GAS7: variants seen among roughly 807,000 people sequenced by gnomAD.
The protein encoded by GAS7 is growth arrest-specific protein 7.
GAS7 carries 28 observed loss-of-function variants against 71.1 expected under a neutral mutation model. The observed-to-expected ratio is 0.39, with a 90% CI of 0.29 to 0.54. The LOEUF is 0.54. Among genes scored for constraint, GAS7 ranks in the 20% least tolerant of loss-of-function variants. The probability of loss-of-function intolerance (pLI) is 0.62; values close to 1 mark genes in which losing one functional copy is unlikely to be tolerated. For missense variants in GAS7, 436 were observed against 627.8 expected (o/e 0.69, Z 3.27); for synonymous variants, 258 against 245.8 (o/e 1.05, Z -0.46).
intron 7 of GAS7, 128 bp from the exon 8 acceptor site, chr17:9,940,328 C>A: frequency 8.2e-6 from 6 of 732,032 alleles, no homozygotes; most frequent in Non-Finnish European, 1.5e-5. Context: ...CCACATGGCT[C>A]TTGTCTGTCT....
Position 10,034,114 on chromosome 17 carries a change from T to C in GAS7, c.184-14217A>G. On this transcript the variant is annotated intron_variant, in intron 1 of 13. Transcript: ENST00000432992. This position sits in a 1 kb window ranked among gnomAD's most constrained non-coding sequence, Gnocchi z 4.4. Reference sequence around the variant, plus strand: ...GCTATGGAGATGTGAGACCTACCACTGCTCTGTGCCACCGTGCGAAGAACA... The same window carrying C: ...GCTATGGAGATGTGAGACCTACCACCGCTCTGTGCCACCGTGCGAAGAACA... The C allele has an allele frequency of 1.0e-6, 1 of 985,148 alleles. No individual in the cohort carries two copies. Among genetic ancestry groups the C allele is most frequent in the Non-Finnish European group, 1.2e-6 (1 of 829,722 alleles). 61.0% of individuals were successfully genotyped at this position (985,148 alleles called of 1,614,324 possible).
intron 2 of GAS7, among the ~76,000 whole-genome samples, chr17:9,982,579 C>T (rs1006726778): frequency 2.0e-5 from 3 of 152,032 alleles, no homozygotes; most frequent in African/African-American, 7.2e-5. Flanking sequence ...GAGTTCGAGA[C>T]CGGCCTGGCC....
At chr17:10,048,128 CCT>C (rs2073006472) in intron 1 of GAS7, among the ~76,000 whole-genome samples, 1 of 152,110 alleles carries the variant, frequency 6.6e-6, no homozygotes, top group Non-Finnish European at 1.5e-5. Flanking sequence ...ATGGTGAAAC[CCT>C]GTCTCTACTA....
intron 1 of GAS7, among the ~76,000 whole-genome samples, chr17:10,068,917 G>A (rs546643273): frequency 2.0e-5 from 3 of 152,324 alleles, no homozygotes; most frequent in Admixed American, 6.5e-5. Context: ...TCCTCCAGCA[G>A]TGAGTCCTGG....
intron 1 of GAS7, among the ~76,000 whole-genome samples, chr17:10,087,207 C>T (rs771362020): frequency 3.3e-5 from 5 of 152,328 alleles, no homozygotes; most frequent in South Asian, 2.1e-4. Flanking sequence ...GAGCTCTACA[C>T]GCAAACTCAC....
intron 5 of GAS7, among the ~76,000 whole-genome samples, chr17:9,951,561 A>G (rs1459286436): frequency 6.6e-6 from 1 of 152,182 alleles, no homozygotes; most frequent in Non-Finnish European, 1.5e-5. Context: ...GTTGGAGACC[A>G]GCCTGACCCA....
At position 10,001,882 on chromosome 17, in the gene GAS7, A is replaced by G. The variant is rs571259637; in HGVS notation, c.304+17895T>C. ...CACCAAGACAGCTCTTCTAAGCAAGAGCCTGCACCCCACATTCACCGATGG... is the reference window on the plus strand; with the variant it reads ...CACCAAGACAGCTCTTCTAAGCAAGGGCCTGCACCCCACATTCACCGATGG... On this transcript the variant is annotated intron_variant, in intron 2 of 13. Coordinates refer to ENST00000432992, the MANE Select transcript of GAS7 (RefSeq NM_201433.2). Among the ~76,000 whole-genome samples the G allele has an allele frequency of 7.3e-4, 111 of 152,302 alleles. No individual in the cohort carries two copies. In the Middle Eastern group the frequency reaches 0.01, roughly 14 times the overall value.
At position 10,027,313 on chromosome 17, in the gene GAS7, A is replaced by G. The variant is rs189721131; in HGVS notation, c.184-7416T>C. Reference sequence around the variant, plus strand: ...AACTAGGCTTCAGAAATATTTGAGGAGGCTATTTTACCAAATAAGCAGACA... The same window carrying G: ...AACTAGGCTTCAGAAATATTTGAGGGGGCTATTTTACCAAATAAGCAGACA... On this transcript the variant is annotated intron_variant, in intron 1 of 13. Coordinates refer to ENST00000432992, the MANE Select transcript of GAS7 (RefSeq NM_201433.2). Among the ~76,000 whole-genome samples, 61 of 152,360 alleles carry G rather than the reference A, an allele frequency of 4.0e-4. 1 individual carries two copies. The highest frequency in any genetic ancestry group is 7.8e-4 in the Non-Finnish European group (53 of 68,032).
At chr17:9,939,974 C>T (rs1192097963) in intron 8 of GAS7, 152 bp downstream of exon 8, 1 of 684,080 alleles carries the variant, frequency 1.5e-6, no homozygotes, top group Non-Finnish European at 2.7e-6. Flanking sequence ...TCATGAGCAC[C>T]TACCTGAGCC....
chr17:9,990,293 G>A lies in GAS7; in HGVS notation c.305-8409C>T, dbSNP rs138682559. Among the ~76,000 whole-genome samples the A allele has an allele frequency of 9.5e-4, 145 of 152,178 alleles. 2 individuals are homozygous for A. The Middle Eastern group carries it at 0.024, about 25-fold the overall frequency. On this transcript the variant is annotated intron_variant, in intron 2 of 13. Coordinates refer to ENST00000432992, the MANE Select transcript of GAS7 (RefSeq NM_201433.2). Reference sequence around the variant, plus strand: ...CAAAAAAAAAAGAAAAAAGAAGAAAGCTCGCCCTACGGATGCTGGCAGGAG... The same window carrying A: ...CAAAAAAAAAAGAAAAAAGAAGAAAACTCGCCCTACGGATGCTGGCAGGAG...
intron 1 of GAS7, among the ~76,000 whole-genome samples, chr17:10,076,689 G>A (rs1197555551): frequency 1.3e-5 from 2 of 152,152 alleles, no homozygotes; most frequent in African/African-American, 4.8e-5. Context: ...AAACATGCCA[G>A]ATTGTTATAC....
At chr17:10,060,740 C>T (rs192174252) in intron 1 of GAS7, among the ~76,000 whole-genome samples, 4 of 152,322 alleles carry the variant, frequency 2.6e-5, no homozygotes, top group South Asian at 2.1e-4. Flanking sequence ...GTTGCTCGTG[C>T]GAACACAAAA....
At chr17:9,946,844 A>G (rs2068805489) in intron 6 of GAS7, 50 bp downstream of exon 6, 1 of 1,221,156 alleles carries the variant, frequency 8.2e-7, no homozygotes, top group Non-Finnish European at 1.2e-6. Flanking sequence ...CTGGGTGTCC[A>G]CTCCCGGTCA....
rs755747939 is a variant in GAS7, at chr17:9,926,649, C to T, written c.1006G>A (p.Val336Met). 2 of 1,613,572 alleles carry T rather than the reference C, an allele frequency of 1.2e-6. No individual in the cohort carries two copies. The highest frequency in any genetic ancestry group is 1.3e-5 in the African/African-American group (1 of 75,076). ...CGTCCTGGGCCTCTCACCTTCTCCA[C>T]CGAGGCATAGCGGCTGGCGAGCTGC... The part of the protein sequence containing the change: ...RKQLASRYAS[V>M]EKARKALTER... Residue 336 changes from valine (V) to methionine (M), a missense_variant, in exon 10 of 14, where the codon GTG (valine) becomes ATG (methionine). Val to Met is a conservative substitution (Grantham distance 21). Transcript: ENST00000432992. The surrounding 1 kb of genome is among the most constrained non-coding windows in gnomAD (Gnocchi z 5.0).
intron 5 of GAS7, among the ~76,000 whole-genome samples, chr17:9,955,950 C>T (rs556648155): frequency 1.1e-3 from 172 of 152,322 alleles, no homozygotes; most frequent in African/African-American, 1.6e-3. Context: ...AGGGCTTTTC[C>T]GCACAGGAGC....
intron 2 of GAS7, among the ~76,000 whole-genome samples, chr17:10,009,527 A>T (rs1302585134): frequency 6.6e-6 from 1 of 152,000 alleles, no homozygotes; most frequent in African/African-American, 2.4e-5. Context: ...ACATTTATAG[A>T]TATAGATCTA....
intron 1 of GAS7, among the ~76,000 whole-genome samples, chr17:10,148,884 T>C (rs1212805533): frequency 7.8e-6 from 1 of 128,100 alleles, no homozygotes. Flanking sequence ...CACTCCAACC[T>C]GGGCGACAGA....
At chr17:10,114,487 C>A (rs889181041) in intron 1 of GAS7, 1 of 152,124 alleles carries the variant, frequency 6.6e-6, no homozygotes, top group African/African-American at 2.4e-5. Context: ...GGTGCCACCA[C>A]CAAAGGCAGG....
At chr17:10,037,926 T>C (rs2072786637) in intron 1 of GAS7, among the ~76,000 whole-genome samples, 2 of 152,014 alleles carry the variant, frequency 1.3e-5, no homozygotes. Context: ...GAGCAAAAGA[T>C]ATTCCTCCAA....
Sources: gnomAD v4.1 joint callset for allele counts (sites outside exome capture counted in the v4.1 genomes callset) on GRCh38, gnomAD v4.1.1 for gene constraint, Gnocchi (gnomAD v3.1) non-coding constraint, MANE v1.5 for transcripts, NCBI Gene and HGNC (gene_info 2026-07-23, HGNC 2026-07-21) for gene names.